PPL: variants seen among roughly 807,000 people sequenced by gnomAD.
The protein encoded by PPL is 190 kDa paraneoplastic pemphigus antigen.
A neutral mutation model predicts 194.4 loss-of-function variants in PPL; 198 were observed. The ratio of observed to expected loss-of-function variants is 1.02; its 90% CI spans 0.91 to 1.15. The LOEUF is 1.15. Ranked by LOEUF, PPL falls within the 50% of genes most tolerant of loss-of-function variation. PPL has a pLI of 0.00. For synonymous variants in PPL, 1,220 were observed against 972.4 expected (o/e 1.25, Z -4.74); for missense variants, 2,885 against 2,294.8 (o/e 1.26, Z -5.25).
At chr16:4,895,512 G>C in intron 10 of PPL, 82 bp downstream of exon 10, 7 of 1,607,926 alleles carry the variant, frequency 4.4e-6, no homozygotes, top group Non-Finnish European at 3.4e-6. Flanking sequence ...CTGTGGAGGG[G>C]CCTGTACAGG....
chr16:4,911,422 A>G (rs567384977), intron 1 of PPL, among the ~76,000 whole-genome samples: 1 of 152,192 alleles, frequency 6.6e-6, no homozygotes, highest in East Asian at 1.9e-4. Context: ...TTGGCCTCCC[A>G]AAGTGCTGGG....
intron 1 of PPL, among the ~76,000 whole-genome samples, chr16:4,927,651 T>C (rs116951459): frequency 0.045 from 6,787 of 152,370 alleles, 173 homozygotes; most frequent in Middle Eastern, 0.061. Flanking sequence ...ACTCCTGTGC[T>C]AATTAGACAG....
At chr16:4,898,951 C>T (rs1359597190) in intron 8 of PPL, 62 bp downstream of exon 8, 1 of 1,428,972 alleles carries the variant, frequency 7.0e-7, no homozygotes, top group Admixed American at 1.7e-5. Context: ...CCAGGCGGCC[C>T]ACAGGCAGCG....
intron 21 of PPL, 62 bp downstream of exon 21, chr16:4,887,073 G>T: frequency 7.6e-7 from 1 of 1,318,698 alleles, no homozygotes; most frequent in South Asian, 1.2e-5. Context: ...CTCTAAGACA[G>T]AGTCTGTATT....
intron 2 of PPL, among the ~76,000 whole-genome samples, chr16:4,908,800 C>G (rs1006722049): frequency 7.2e-5 from 11 of 152,206 alleles, no homozygotes; most frequent in Non-Finnish European, 1.5e-4. Flanking sequence ...CTAGGCCTCC[C>G]AAAGTGCTGA....
At chr16:4,903,010 T>A (rs1296845614) in intron 3 of PPL, among the ~76,000 whole-genome samples, 1 of 152,058 alleles carries the variant, frequency 6.6e-6, no homozygotes, top group African/African-American at 2.4e-5. Context: ...CCCTCAACCT[T>A]CCTTCCCCCA....
intron 1 of PPL, among the ~76,000 whole-genome samples, chr16:4,914,186 G>A (rs867670058): frequency 2.6e-5 from 4 of 152,222 alleles, no homozygotes; most frequent in African/African-American, 9.6e-5. Flanking sequence ...CCAGGGCGGG[G>A]TTCTTGACCG....
At chr16:4,907,308 T>TCACACACACACACACA (rs56210938) in intron 2 of PPL, among the ~76,000 whole-genome samples, 5 of 145,744 alleles carry the variant, frequency 3.4e-5, no homozygotes, top group African/African-American at 1.3e-4. Context: ...ATATCTAATC[T>TCACACACACACACACA]CACACACACA....
At chr16:4,904,547 G>C (rs1418520991) in intron 2 of PPL, among the ~76,000 whole-genome samples, 1 of 152,224 alleles carries the variant, frequency 6.6e-6, no homozygotes, top group Admixed American at 6.5e-5. Context: ...GGAGACACAA[G>C]CTAAGAACAA....
chr16:4,909,446 TGA>T (rs2088774874), intron 2 of PPL, among the ~76,000 whole-genome samples: 4 of 148,014 alleles, frequency 2.7e-5, no homozygotes, highest in African/African-American at 9.9e-5. Context: ...TTTTTTTTTT[TGA>T]GACAGTCTTA....
At chr16:4,926,740 G>T (rs549899715) in intron 1 of PPL, among the ~76,000 whole-genome samples, 1 of 151,988 alleles carries the variant, frequency 6.6e-6, no homozygotes, top group East Asian at 1.9e-4. Flanking sequence ...ATAGCCGGGC[G>T]TGGTGGCAGG....
chr16:4,905,442 G>C (rs2088663245), intron 2 of PPL, among the ~76,000 whole-genome samples: 1 of 152,088 alleles, frequency 6.6e-6, no homozygotes, highest in Non-Finnish European at 1.5e-5. Flanking sequence ...GGCAGGGCTG[G>C]GAAGAGGCAT....
Position 4,884,491 on chromosome 16 carries a change from C to T in PPL, c.4164G>A (p.Glu1388=), listed in dbSNP as rs2088174279. 1 of 1,607,398 alleles carries T rather than the reference C, an allele frequency of 6.2e-7. No homozygotes were observed. The highest frequency in any genetic ancestry group is 1.1e-5 in the South Asian group (1 of 90,816). The change falls in exon 22 of 22, where the codon GAG becomes GAA. Residue 1388 remains glutamate (E), a synonymous_variant. Coordinates refer to ENST00000345988, the MANE Select transcript of PPL (RefSeq NM_002705.5). The surrounding 1 kb of genome is among the most constrained non-coding windows in gnomAD (Gnocchi z 5.7). ...TGCGCCGGCGCTGCAGCCGCCGCAG[C>T]TCTGCCCGCAGCTTGTCAATCTGCC... The part of the protein sequence containing the change: ...ELRQIDKLRA[E]LRRLQRRRTE...
At chr16:4,910,400 T>A (rs1363279408) in intron 2 of PPL, among the ~76,000 whole-genome samples, 1 of 152,112 alleles carries the variant, frequency 6.6e-6, no homozygotes, top group Non-Finnish European at 1.5e-5. Flanking sequence ...TTAGAGAGAA[T>A]CTCGTTCATG....
At chr16:4,920,347 G>GAGAA (rs1366565516) in intron 1 of PPL, among the ~76,000 whole-genome samples, 3 of 67,028 alleles carry the variant, frequency 4.5e-5, no homozygotes, top group Non-Finnish European at 9.6e-5. Context: ...GAGAGAGAGA[G>GAGAA]AAAGAAAGAA....
At chr16:4,922,344 AG>A (rs2089066133) in intron 1 of PPL, among the ~76,000 whole-genome samples, 1 of 152,126 alleles carries the variant, frequency 6.6e-6, no homozygotes, top group African/African-American at 2.4e-5. Context: ...CCAGGGATTT[AG>A]GCTCCTTTTA....
intron 6 of PPL, among the ~76,000 whole-genome samples, chr16:4,900,095 G>A (rs2088529231): frequency 6.6e-6 from 1 of 152,152 alleles, no homozygotes; most frequent in African/African-American, 2.4e-5. Flanking sequence ...AGGAGCAGAG[G>A]AAGCATGGCT....
intron 1 of PPL, among the ~76,000 whole-genome samples, chr16:4,933,584 G>A (rs533046078): frequency 3.9e-5 from 6 of 152,236 alleles, no homozygotes; most frequent in East Asian, 1.9e-4. Context: ...ACTCTCACTT[G>A]AGGCCTGTCA....
At chr16:4,930,500 A>G (rs753735740) in intron 1 of PPL, among the ~76,000 whole-genome samples, 11 of 152,166 alleles carry the variant, frequency 7.2e-5, no homozygotes, top group Non-Finnish European at 1.3e-4. Flanking sequence ...TGCTGAGGGA[A>G]GGGGAGAATC....
Sources: allele counts gnomAD v4.1 joint callset (sites outside exome capture counted in the v4.1 genomes callset), GRCh38; gene constraint gnomAD v4.1.1; non-coding constraint Gnocchi (gnomAD v3.1); transcripts MANE v1.5; gene names NCBI Gene and HGNC (gene_info 2026-07-23, HGNC 2026-07-21).